Variants in GRIK2 observed in about 807,000 individuals in gnomAD.
The protein encoded by GRIK2 is glutamate receptor ionotropic, kainate 2.
Under a neutral mutation model 100.3 loss-of-function variants are expected in GRIK2, and 32 were observed. That is an observed-to-expected ratio of 0.32 (90% CI 0.24 to 0.43). GRIK2 has a LOEUF of 0.43. Among genes scored for constraint, GRIK2 ranks in the 20% least tolerant of loss-of-function variants. The pLI is 1.00. For missense variants in GRIK2, 843 were observed against 1,114.9 expected (o/e 0.76, Z 3.47); for synonymous variants, 417 against 389.4 (o/e 1.07, Z -0.83).
chr6:102,012,313 T>C (rs1202661644), intron 14 of GRIK2, among the ~76,000 whole-genome samples: 2 of 152,150 alleles, frequency 1.3e-5, no homozygotes, highest in Admixed American at 1.3e-4. Context: ...TTTTTTTATT[T>C]GAATTGAGTA....
rs1772936031 is a variant in GRIK2 at position 101,488,353 on chromosome 6, C to A, written c.115+88961C>A. Among the ~76,000 whole-genome samples, 2 of 146,812 alleles carry A rather than the reference C, an allele frequency of 1.4e-5. 1 individual carries two copies. Among genetic ancestry groups the A allele is most frequent in the Admixed American group, 1.4e-4 (2 of 14,712 alleles). ...CATAGGCAGAGAATGTGAAAGAGGTCATGAGTTGTGGTTTTTTAAAACCTC... is the reference window on the plus strand; with the variant it reads ...CATAGGCAGAGAATGTGAAAGAGGTAATGAGTTGTGGTTTTTTAAAACCTC... On this transcript the variant is annotated intron_variant, in intron 2 of 16. Transcript: ENST00000369134.
intron 11 of GRIK2, among the ~76,000 whole-genome samples, chr6:101,865,968 TG>T (rs1347152306): frequency 2.6e-5 from 4 of 151,620 alleles, no homozygotes; most frequent in Non-Finnish European, 5.9e-5. Context: ...TAAAAACTGT[TG>T]GGGAGTAGAA....
intron 14 of GRIK2, among the ~76,000 whole-genome samples, chr6:101,955,938 C>T (rs967849306): frequency 3.3e-5 from 5 of 151,816 alleles, no homozygotes; most frequent in African/African-American, 9.7e-5. Flanking sequence ...CTGCTTTATT[C>T]GAGTGTACTT....
chr6:101,940,412 G>A (rs1345479739), intron 14 of GRIK2, among the ~76,000 whole-genome samples: 2 of 152,104 alleles, frequency 1.3e-5, no homozygotes, highest in East Asian at 1.9e-4. Flanking sequence ...GCTGAAACAA[G>A]TAAATCTATT....
intron 2 of GRIK2, among the ~76,000 whole-genome samples, chr6:101,595,434 A>G (rs1223381879): frequency 3.3e-4 from 50 of 151,714 alleles, no homozygotes; most frequent in Admixed American, 3.2e-3. Context: ...CTTTATTTAT[A>G]AAAACAGATA....
intron 2 of GRIK2, among the ~76,000 whole-genome samples, chr6:101,539,115 T>C (rs1321345892): frequency 6.6e-6 from 1 of 151,752 alleles, no homozygotes; most frequent in Non-Finnish European, 1.5e-5. Context: ...GAACTGTCAC[T>C]TCATACCATT....
chr6:101,981,985 A>G (rs1387875030), intron 14 of GRIK2, among the ~76,000 whole-genome samples: 2 of 151,826 alleles, frequency 1.3e-5, no homozygotes, highest in Non-Finnish European at 2.9e-5. Context: ...AGATGGGAGG[A>G]AAAATATAGA....
chr6:102,042,757 G>A (rs1178497851), intron 15 of GRIK2, among the ~76,000 whole-genome samples: 2 of 151,606 alleles, frequency 1.3e-5, no homozygotes, highest in Non-Finnish European at 3.0e-5. Flanking sequence ...AATGATTGCT[G>A]ATGGCAAAAT....
At chr6:101,421,084 T>A (rs1032581701) in intron 2 of GRIK2, among the ~76,000 whole-genome samples, 5 of 152,148 alleles carry the variant, frequency 3.3e-5, no homozygotes, top group Non-Finnish European at 7.4e-5. Context: ...TCTGTTCACT[T>A]TGAGGCCATG....
chr6:101,843,884 G>C (rs1417161), intron 10 of GRIK2, among the ~76,000 whole-genome samples: 109,771 of 152,060 alleles, frequency 0.72, 42,137 homozygotes, highest in Non-Finnish European at 0.87. Context: ...ATTTCCTTGT[G>C]ACTTGGCATA....
chr6:101,940,610 G>C (rs1790899403), intron 14 of GRIK2, among the ~76,000 whole-genome samples: 1 of 152,060 alleles, frequency 6.6e-6, no homozygotes, highest in Non-Finnish European at 1.5e-5. Context: ...TGGAAATGAG[G>C]TTGCAGTGAT....
At chr6:101,518,664 A>C (rs1222073521) in intron 2 of GRIK2, among the ~76,000 whole-genome samples, 1 of 152,132 alleles carries the variant, frequency 6.6e-6, no homozygotes, top group East Asian at 1.9e-4. Context: ...TGTTTGAGAA[A>C]CGTGGCCCAC....
At chr6:102,044,601 G>T (rs1770778992) in intron 15 of GRIK2, among the ~76,000 whole-genome samples, 1 of 151,880 alleles carries the variant, frequency 6.6e-6, no homozygotes, top group Non-Finnish European at 1.5e-5. Context: ...AACAGTATGG[G>T]GAACCACCCA....
At chr6:101,990,929 A>G (rs1208772433) in intron 14 of GRIK2, among the ~76,000 whole-genome samples, 1 of 151,936 alleles carries the variant, frequency 6.6e-6, no homozygotes, top group African/African-American at 2.4e-5. Flanking sequence ...GGTGCATACT[A>G]AATGCCTTAT....
Position 101,900,930 on chromosome 6 carries a change from A to G in GRIK2, c.1748+11067A>G, listed in dbSNP as rs9918394. On this transcript the variant is annotated intron_variant, in intron 12 of 16. Coordinates refer to ENST00000369134, the MANE Select transcript of GRIK2 (RefSeq NM_021956.5). ...TGTTTTTTTTTTTCTTAAAAAAAGC[A>G]TAGTTTTATTTTTTATTATTAGAAA... 3.4e-3 allele frequency among the ~76,000 whole-genome samples: 509 copies of G among 151,308 alleles called. 2 individuals are homozygous for G. The highest frequency in any genetic ancestry group is 0.012 in the African/African-American group (499 of 41,312).
At chr6:101,412,865 G>T (rs1775947904) in intron 2 of GRIK2, among the ~76,000 whole-genome samples, 1 of 151,816 alleles carries the variant, frequency 6.6e-6, no homozygotes, top group East Asian at 1.9e-4. Context: ...ATACGTAAAT[G>T]TAGAATGTGA....
At chr6:101,464,493 CTTTCTTTTTTTTT>C (rs1771512539) in intron 2 of GRIK2, among the ~76,000 whole-genome samples, 1 of 53,900 alleles carries the variant, frequency 1.9e-5, no homozygotes, top group African/African-American at 6.0e-5. Context: ...TTTTCTTTTT[CTTTCTTTTTTTTT>C]TTTTTTTTTT....
chr6:101,942,682 T>G (rs905308423), intron 14 of GRIK2, among the ~76,000 whole-genome samples: 1 of 152,058 alleles, frequency 6.6e-6, no homozygotes, highest in African/African-American at 2.4e-5. Context: ...TTTAGGATAT[T>G]TGGTGGAAGA....
intron 2 of GRIK2, among the ~76,000 whole-genome samples, chr6:101,610,974 C>T (rs1014671101): frequency 6.6e-6 from 1 of 151,638 alleles, no homozygotes; most frequent in Non-Finnish European, 1.5e-5. Flanking sequence ...TTGTAAATTG[C>T]TAACATTTAA....
Sources: gnomAD v4.1 joint callset for allele counts (sites outside exome capture counted in the v4.1 genomes callset) on GRCh38, gnomAD v4.1.1 for gene constraint, MANE v1.5 for transcripts, NCBI Gene and HGNC (gene_info 2026-07-23, HGNC 2026-07-21) for gene names.